Variants in RNF20 observed in about 807,000 individuals in gnomAD.
The protein encoded by RNF20 is ring finger protein 20.
In RNF20, 84 loss-of-function variants were observed where a neutral mutation model predicts 126.2. That is an observed-to-expected ratio of 0.67 (90% confidence interval 0.56 to 0.80). RNF20 has a LOEUF of 0.80. RNF20 is among the 30% of genes least tolerant of loss of function. The pLI, the probability that RNF20 is intolerant of heterozygous loss-of-function variation, is 0.00. For synonymous variants in RNF20, 400 were observed against 414.3 expected (o/e 0.97, Z 0.42); for missense variants, 869 against 1,188.2 (o/e 0.73, Z 3.95).
At chr9:101,562,216 T>C in intron 19 of RNF20, 30 bp from the exon 20 acceptor site, 1 of 1,598,706 alleles carries the variant, frequency 6.3e-7, no homozygotes, top group South Asian at 1.1e-5. Context: ...CTTTCATGGT[T>C]GTTCAAACTC....
intron 16 of RNF20, 124 bp downstream of exon 16, chr9:101,557,720 G>A (rs1827557550): frequency 3.0e-6 from 2 of 662,628 alleles, no homozygotes; most frequent in Non-Finnish European, 5.2e-6. Context: ...AAAACTAAAT[G>A]TTCATCATTA....
intron 11 of RNF20, 79 bp downstream of exon 11, chr9:101,551,898 T>C (rs1827452459): frequency 2.0e-6 from 3 of 1,476,016 alleles, no homozygotes; most frequent in South Asian, 2.7e-5. Context: ...CCAGGGTTTG[T>C]TAATGCTGAC....
At position 101,540,342 on chromosome 9, in the gene RNF20, T is replaced by C; in HGVS notation, c.269T>C (p.Leu90Pro). The C allele has an allele frequency of 6.2e-7, 1 of 1,614,222 alleles. No individual in the cohort carries two copies. Among genetic ancestry groups the C allele is most frequent in the East Asian group, 2.2e-5 (1 of 44,882 alleles). The part of the protein sequence containing the change: ...ERRQATDDAS[L>P]LIVNRYWSQF... Reference sequence around the variant, plus strand: ...CGACAGGCCACTGATGATGCCTCACTATTGATTGTCAACCGATACTGGAGT... The same window carrying C: ...CGACAGGCCACTGATGATGCCTCACCATTGATTGTCAACCGATACTGGAGT... The change falls in exon 3 of 20, where the codon CTA becomes CCA. Residue 90 changes from leucine to proline, a missense_variant. Leu to Pro is a moderately conservative substitution (Grantham distance 98, BLOSUM62 -3). Transcript: ENST00000389120.
At chr9:101,558,827 T>C (rs897944352) in intron 16 of RNF20, among the ~76,000 whole-genome samples, 1 of 151,952 alleles carries the variant, frequency 6.6e-6, no homozygotes. Context: ...ATGTATAGAT[T>C]TTTTTCTCCC....
rs192822144 is a variant in RNF20 at position 101,540,648 on chromosome 9, G to A, written c.445+11G>A. 3.8e-4 allele frequency: 615 copies of A among 1,613,862 alleles called. 3 individuals carry two copies. The African/African-American group carries it at 5.2e-3, about 14-fold the overall frequency. ...ATGACCGAGAGAGAGGCAAGTGTTC[G>A]TGATGGATTCTATCACTGCATGCTA... On this transcript the variant is annotated intron_variant, in intron 4 of 19. Coordinates refer to ENST00000389120, the MANE Select transcript of RNF20 (RefSeq NM_019592.7).
chr9:101,560,744 T>A (rs1006398758), intron 16 of RNF20, 57 bp from the exon 17 acceptor site: 9 of 1,513,492 alleles, frequency 5.9e-6, no homozygotes, highest in Non-Finnish European at 8.0e-6. Context: ...AACAGAATAG[T>A]TTTTTTTCTT....
At chr9:101,558,923 C>G (rs1306868793) in intron 16 of RNF20, among the ~76,000 whole-genome samples, 1 of 151,984 alleles carries the variant, frequency 6.6e-6, no homozygotes, top group Non-Finnish European at 1.5e-5. Flanking sequence ...ATCTATTTAT[C>G]ATTTCTTTTG....
chr9:101,547,077 A>G lies in RNF20; in HGVS notation c.895-60A>G, dbSNP rs1396097615. ...AAAAAATCTCATCCTTTGAAGGTAC[A>G]TTGGTTATAGACTGAAATCTTAAGA... is the stretch of plus-strand genomic sequence containing the variant. On this transcript the variant is annotated intron_variant, in intron 7 of 19. Coordinates refer to ENST00000389120, the MANE Select transcript of RNF20 (RefSeq NM_019592.7). 4.4e-6 allele frequency: 7 copies of G among 1,604,034 alleles called. No individual in the cohort carries two copies. In the Admixed American group the frequency reaches 1.0e-4, roughly 23 times the overall value.
At chr9:101,558,194 AG>A (rs1189663114) in intron 16 of RNF20, among the ~76,000 whole-genome samples, 1 of 151,932 alleles carries the variant, frequency 6.6e-6, no homozygotes, top group Admixed American at 6.6e-5. Flanking sequence ...CCCTCCGCCA[AG>A]TCACCAAAGT....
At chr9:101,536,392 CTTA>C (rs928694767) in intron 2 of RNF20, among the ~76,000 whole-genome samples, 1 of 151,238 alleles carries the variant, frequency 6.6e-6, no homozygotes, top group African/African-American at 2.4e-5. Context: ...ACATCTATTG[CTTA>C]TTTGATTTTG....
intron 14 of RNF20, 96 bp from the exon 15 acceptor site, chr9:101,554,598 T>G: frequency 1.0e-6 from 1 of 980,960 alleles, no homozygotes; most frequent in South Asian, 1.7e-5. Flanking sequence ...AAAGACTCTT[T>G]TGGTATTATG....
rs571500413 is a variant in RNF20, at chr9:101,533,899, C to T, written c.-42C>T. 1.1e-4 allele frequency: 17 copies of T among 152,364 alleles called. No homozygotes were observed. The highest frequency in any genetic ancestry group is 2.2e-4 in the Non-Finnish European group (15 of 68,178). 9.4% of individuals were successfully genotyped at this position (152,364 alleles called of 1,614,324 possible). On this transcript the variant is annotated 5_prime_UTR_variant, in exon 1 of 20. Coordinates refer to ENST00000389120, the MANE Select transcript of RNF20 (RefSeq NM_019592.7). Reference sequence around the variant, plus strand: ...GCGGGTCAGGGGTGAGAGCTGGAATCTCTGCACGGGCCTTGGTGAGTAACT... The same window carrying T: ...GCGGGTCAGGGGTGAGAGCTGGAATTTCTGCACGGGCCTTGGTGAGTAACT...
At position 101,540,912 on chromosome 9, in the gene RNF20, G is replaced by A. The variant is rs1827250869; in HGVS notation, c.565G>A (p.Val189Met). The change falls in exon 5 of 20, where the codon GTG becomes ATG. Residue 189 changes from valine to methionine, a missense_variant. Coordinates refer to ENST00000389120, the MANE Select transcript of RNF20 (RefSeq NM_019592.7). ...ESSRRAVSQI[V>M]TVYDKLQEKV... Reference sequence around the variant, plus strand: ...TTCCCGCCGAGCCGTGTCCCAGATTGTGACTGTTTATGATAAATTGCAAGA... The same window carrying A: ...TTCCCGCCGAGCCGTGTCCCAGATTATGACTGTTTATGATAAATTGCAAGA... 1 of 1,614,018 alleles carries A rather than the reference G, an allele frequency of 6.2e-7. No homozygotes were observed. Among genetic ancestry groups the A allele is most frequent in the South Asian group, 1.1e-5 (1 of 91,070 alleles).
At chr9:101,547,378 T>C (rs1356807761) in intron 8 of RNF20, 21 bp from the exon 9 acceptor site, 1 of 1,613,460 alleles carries the variant, frequency 6.2e-7, no homozygotes, top group Non-Finnish European at 8.5e-7. Context: ...ATTTATTCTC[T>C]ATTTTTCTGC....
rs1285922903 is a variant in RNF20 at position 101,562,750 on chromosome 9, C to G, written c.*328C>G. 1 of 189,960 alleles carries G rather than the reference C, an allele frequency of 5.3e-6. No homozygotes were observed. Among genetic ancestry groups the G allele is most frequent in the South Asian group, 1.9e-4 (1 of 5,262 alleles). 11.8% of individuals were successfully genotyped at this position (189,960 alleles called of 1,614,324 possible). A position where few individuals can be genotyped will look rare whatever the true frequency, so the allele number is the denominator to read the frequency against. On this transcript the variant is annotated 3_prime_UTR_variant, in exon 20 of 20. Coordinates refer to ENST00000389120, the MANE Select transcript of RNF20 (RefSeq NM_019592.7). Reference sequence around the variant, plus strand: ...GTATAAACTTGGATTGTCCATTCCTCCTGAAGAAATCAAGTTGGTATTTTT... The same window carrying G: ...GTATAAACTTGGATTGTCCATTCCTGCTGAAGAAATCAAGTTGGTATTTTT...
intron 15 of RNF20, among the ~76,000 whole-genome samples, chr9:101,557,179 A>G (rs1200645741): frequency 6.6e-6 from 1 of 152,232 alleles, no homozygotes; most frequent in East Asian, 1.9e-4. Flanking sequence ...GTACAGATCA[A>G]CTAATAAGTA....
intron 2 of RNF20, among the ~76,000 whole-genome samples, chr9:101,536,841 T>G (rs2118667098): frequency 6.6e-6 from 1 of 152,322 alleles, no homozygotes; most frequent in Middle Eastern, 3.4e-3. Context: ...ACTAACATGC[T>G]CTGACTTGTG....
chr9:101,557,550 A>T lies in RNF20; in HGVS notation c.2336A>T (p.Glu779Val). 6.2e-7 allele frequency: 1 copy of T among 1,614,030 alleles called. No individual in the cohort carries two copies. The highest frequency in any genetic ancestry group is 8.5e-7 in the Non-Finnish European group (1 of 1,179,920). Reference protein sequence around the residue: ...KSNQIHKLLKEEKEELADQVL... With the variant: ...KSNQIHKLLKVEKEELADQVL... ...AATCAGATCCATAAGTTGCTTAAAG[A>T]AGAGAAGGAGGAGCTGGCAGACCAG... Residue 779 changes from glutamate to valine, a missense_variant, in exon 16 of 20, where the codon GAA (glutamate) becomes GTA (valine). Glu to Val is a moderately radical substitution (Grantham distance 121). This residue lies in a region of RNF20 where 150 missense variants were observed against 173.7 expected (regional missense o/e 0.86). Coordinates refer to ENST00000389120, the MANE Select transcript of RNF20 (RefSeq NM_019592.7).
intron 9 of RNF20, 40 bp downstream of exon 9, chr9:101,547,558 C>G (rs1274488089): frequency 1.9e-6 from 3 of 1,611,588 alleles, no homozygotes; most frequent in Non-Finnish European, 2.5e-6. Context: ...ATCAGACGTT[C>G]TGCTGATCAA....
Sources: gnomAD v4.1 joint callset for allele counts (sites outside exome capture counted in the v4.1 genomes callset) on GRCh38, gnomAD v4.1.1 for gene constraint, gnomAD v4.1.1 regional missense constraint, MANE v1.5 for transcripts, NCBI Gene and HGNC (gene_info 2026-07-23, HGNC 2026-07-21) for gene names.